The following SLC16A7 variants were observed in gnomAD, a reference collection of about 807,000 sequenced individuals.
SLC16A7 encodes the protein monocarboxylate transporter 2.
A neutral mutation model predicts 34.9 loss-of-function variants in SLC16A7; 33 were observed. That is an observed-to-expected ratio of 0.94 (90% CI 0.72 to 1.26). The LOEUF (loss-of-function observed/expected upper bound fraction) is 1.26. Ranked by LOEUF, SLC16A7 falls within the 50% of genes most tolerant of loss-of-function variation. SLC16A7 has a pLI of 0.00. For missense variants in SLC16A7, 573 were observed against 578.1 expected, an observed-to-expected ratio of 0.99 and a Z score of 0.09; for synonymous variants, 201 against 206.6, an observed-to-expected ratio of 0.97 and a Z score of 0.23.
chr12:59,760,610 C>T (rs538120513), intron 3 of SLC16A7, among the ~76,000 whole-genome samples: 14 of 152,144 alleles, frequency 9.2e-5, no homozygotes, highest in Non-Finnish European at 1.5e-4. Flanking sequence ...TCTTACTGTA[C>T]TATACTTGCC....
At chr12:59,727,942 G>A (rs1876483549) in intron 3 of SLC16A7, among the ~76,000 whole-genome samples, 2 of 152,054 alleles carry the variant, frequency 1.3e-5, no homozygotes, top group African/African-American at 4.8e-5. Flanking sequence ...AACTTAAGAA[G>A]CCACATGTAT....
At chr12:59,706,018 C>A (rs185705349) in intron 3 of SLC16A7, among the ~76,000 whole-genome samples, 11 of 152,018 alleles carry the variant, frequency 7.2e-5, no homozygotes, top group Non-Finnish European at 1.2e-4. Flanking sequence ...CTTAATGATC[C>A]GTGAAATAAG....
intron 5 of SLC16A7, among the ~76,000 whole-genome samples, chr12:59,776,228 G>T (rs915404482): frequency 6.6e-6 from 1 of 152,086 alleles, no homozygotes; most frequent in African/African-American, 2.4e-5. Context: ...GAGAGAGAGA[G>T]AAATAGATAA....
At chr12:59,681,359 C>A (rs938266791) in intron 2 of SLC16A7, among the ~76,000 whole-genome samples, 1 of 152,166 alleles carries the variant, frequency 6.6e-6, no homozygotes, top group Non-Finnish European at 1.5e-5. Flanking sequence ...ACAAAATTGT[C>A]ATTTCATGCA....
Position 59,669,004 on chromosome 12 carries a change from A to T in SLC16A7, c.-31+13754A>T, listed in dbSNP as rs181591978. Among the ~76,000 whole-genome samples, 459 of 152,268 alleles carry T rather than the reference A, an allele frequency of 3.0e-3. 3 individuals carry two copies. Among genetic ancestry groups the T allele is most frequent in the Admixed American group, 0.015 (230 of 15,290 alleles). On this transcript the variant is annotated intron_variant, in intron 2 of 5. Coordinates refer to ENST00000547379, the MANE Select transcript of SLC16A7 (RefSeq NM_001270623.2). ...CCATGATTTTGAGGCCTCTCCAGCC[A>T]TGTGGAACTGTGATTCCATTAAATC...
At chr12:59,764,232 C>T (rs914185980) in intron 3 of SLC16A7, among the ~76,000 whole-genome samples, 2 of 152,118 alleles carry the variant, frequency 1.3e-5, no homozygotes, top group African/African-American at 4.8e-5. Context: ...TTCCCTAAGC[C>T]AGAGCCTAAT....
chr12:59,721,714 G>A (rs1875620370), intron 3 of SLC16A7, among the ~76,000 whole-genome samples: 1 of 151,728 alleles, frequency 6.6e-6, no homozygotes. Flanking sequence ...CTCTTTCCAA[G>A]TTTCTCAGGA....
At chr12:59,654,730 TG>T (rs1179376975) in intron 1 of SLC16A7, among the ~76,000 whole-genome samples, 1 of 151,694 alleles carries the variant, frequency 6.6e-6, no homozygotes, top group African/African-American at 2.4e-5. Flanking sequence ...CATATATTTT[TG>T]TACCAAAAAT....
chr12:59,714,840 C>T (rs558241601), intron 3 of SLC16A7, among the ~76,000 whole-genome samples: 2 of 152,288 alleles, frequency 1.3e-5, no homozygotes, highest in South Asian at 2.1e-4. Context: ...GCTGGGATTA[C>T]AGGCATGAGC....
At chr12:59,760,364 G>GCTC (rs755134845) in intron 3 of SLC16A7, among the ~76,000 whole-genome samples, 3 of 151,976 alleles carry the variant, frequency 2.0e-5, no homozygotes, top group Non-Finnish European at 4.4e-5. Context: ...AAAGTGCAGG[G>GCTC]CTCTGGAGAT....
chr12:59,732,076 T>C (rs1184639099), intron 3 of SLC16A7, among the ~76,000 whole-genome samples: 3 of 150,562 alleles, frequency 2.0e-5, no homozygotes, highest in African/African-American at 7.3e-5. Context: ...ATATATATAT[T>C]TCCATATATA....
intron 1 of SLC16A7, among the ~76,000 whole-genome samples, chr12:59,598,439 TAGTC>T (rs1878528745): frequency 6.6e-6 from 1 of 152,332 alleles, no homozygotes; most frequent in African/African-American, 2.4e-5. Context: ...AGTTCTCATA[TAGTC>T]AGTCATTCAG....
chr12:59,609,779 G>T (rs530561239), intron 1 of SLC16A7, among the ~76,000 whole-genome samples: 1 of 152,242 alleles, frequency 6.6e-6, no homozygotes, highest in South Asian at 2.1e-4. Context: ...ATAACCGCTT[G>T]TGGTCTATAA....
chr12:59,755,324 T>G (rs1337802056), intron 3 of SLC16A7, among the ~76,000 whole-genome samples: 3 of 152,208 alleles, frequency 2.0e-5, no homozygotes, highest in African/African-American at 7.2e-5. Context: ...TGTCCCTGTT[T>G]GCAAATGACA....
chr12:59,597,224 C>CAT (rs1349598469), intron 1 of SLC16A7: 4 of 11,282 alleles, frequency 3.5e-4, no homozygotes, highest in Admixed American at 1.4e-3. Context: ...TAAAATTTTA[C>CAT]ACACACACAC....
In SLC16A7 at chr12:59,680,317, T is replaced by C. The variant is rs377679836; in HGVS notation, c.-30-24455T>C. Among the ~76,000 whole-genome samples the C allele has an allele frequency of 7.2e-5, 11 of 152,204 alleles. No individual in the cohort carries two copies. In the East Asian group the frequency reaches 2.1e-3, roughly 29 times the overall value. ...AGAAGATAGAGGACTTTTTCCAATGTAGTGTTTTCAAGATATTATTTAACC... is the reference window on the plus strand; with the variant it reads ...AGAAGATAGAGGACTTTTTCCAATGCAGTGTTTTCAAGATATTATTTAACC... On this transcript the variant is annotated intron_variant, in intron 2 of 5. Transcript: ENST00000547379.
intron 3 of SLC16A7, among the ~76,000 whole-genome samples, chr12:59,708,646 A>G (rs944103126): frequency 4.6e-5 from 7 of 152,086 alleles, no homozygotes; most frequent in African/African-American, 1.7e-4. Context: ...CACATTCATT[A>G]GGGCTTAGCA....
At chr12:59,651,482 G>T (rs984379814) in intron 1 of SLC16A7, among the ~76,000 whole-genome samples, 1 of 152,156 alleles carries the variant, frequency 6.6e-6, no homozygotes, top group Non-Finnish European at 1.5e-5. Flanking sequence ...GCTGTATACT[G>T]TAGCTGTAAA....
chr12:59,644,289 G>C (rs536183114), intron 1 of SLC16A7, among the ~76,000 whole-genome samples: 2 of 152,198 alleles, frequency 1.3e-5, no homozygotes, highest in Admixed American at 1.3e-4. Context: ...AGTCTTGTCC[G>C]GGCACGGTAG....
Sources: allele counts gnomAD v4.1 joint callset (sites outside exome capture counted in the v4.1 genomes callset), GRCh38; gene constraint gnomAD v4.1.1; transcripts MANE v1.5; gene names NCBI Gene and HGNC (gene_info 2026-07-23, HGNC 2026-07-21).